Variants in SAMMSON observed in about 807,000 individuals in gnomAD.
SAMMSON encodes the protein survival associated mitochondrial melanoma specific oncogenic non-coding RNA, also known as long intergenic non-protein coding RNA 1212.
intron 3 of SAMMSON, among the ~76,000 whole-genome samples, chr3:70,050,366 G>A (rs80116731): frequency 0.015 from 2,287 of 152,122 alleles, 30 homozygotes; most frequent in Middle Eastern, 0.051. Flanking sequence ...CATTGGGTTG[G>A]CCAGCCACTT....
At chr3:70,232,502 T>A (rs566668930) in intron 4 of SAMMSON, among the ~76,000 whole-genome samples, 2 of 151,708 alleles carry the variant, frequency 1.3e-5, no homozygotes, top group African/African-American at 4.8e-5. Context: ...CGGGTTCAAG[T>A]GATTCTCCTG....
At chr3:70,067,925 T>A (rs2067215990) in intron 3 of SAMMSON, among the ~76,000 whole-genome samples, 1 of 152,078 alleles carries the variant, frequency 6.6e-6, no homozygotes, top group Non-Finnish European at 1.5e-5. Flanking sequence ...ATTCCATTTT[T>A]AAAATAACCA....
rs1346984899 is a variant in SAMMSON, at chr3:70,402,602, C to T, written n.233+44278C>T. On this transcript the variant is annotated intron_variant and non_coding_transcript_variant, in intron 2 of 3. Transcript: ENST00000641053. The stretch of plus-strand genomic sequence containing the variant: ...ATGGGCTAGGTGTAGTGGCTTACGC[C>T]TATAATCCCAACACTTTAGGAGGCT... Among the ~76,000 whole-genome samples the T allele has an allele frequency of 4.6e-5, 7 of 152,068 alleles. No homozygotes were observed. In the East Asian group the frequency reaches 1.3e-3, roughly 29 times the overall value.
chr3:70,213,190 C>CTA (rs1299249212), intron 4 of SAMMSON, among the ~76,000 whole-genome samples: 1 of 152,006 alleles, frequency 6.6e-6, no homozygotes, highest in East Asian at 1.9e-4. Flanking sequence ...CCAGGCTGGA[C>CTA]TAGAGCTCCT....
intron 2 of SAMMSON, among the ~76,000 whole-genome samples, chr3:70,412,944 T>G (rs1018339226): frequency 1.3e-5 from 2 of 152,186 alleles, no homozygotes; most frequent in East Asian, 3.9e-4. Context: ...AAGCAGACTT[T>G]AAGAATGGCG....
intron 7 of SAMMSON, among the ~76,000 whole-genome samples, chr3:70,305,898 G>C (rs2106705367): frequency 6.6e-6 from 1 of 152,224 alleles, no homozygotes; most frequent in African/African-American, 2.4e-5. Context: ...ATATTGAAAA[G>C]GGAATTTTTG....
At chr3:70,103,571 G>A (rs73105942) in intron 4 of SAMMSON, among the ~76,000 whole-genome samples, 13,032 of 152,076 alleles carry the variant, frequency 0.086, 794 homozygotes, top group Non-Finnish European at 0.13. Flanking sequence ...GAATCTCTTC[G>A]GTTACATCCT....
At position 70,101,991 on chromosome 3, in the gene SAMMSON, A is replaced by G. The variant is rs538629818; in HGVS notation, n.507+30426A>G. On this transcript the variant is annotated intron_variant and non_coding_transcript_variant, in intron 4 of 9. Coordinates refer to ENST00000642114, the Ensembl canonical transcript of SAMMSON. Reference sequence around the variant, plus strand: ...GAAACAAATGATCAGTTCCCTAGTTATATCCACTAGTTTCTGTCTTTAATA... The same window carrying G: ...GAAACAAATGATCAGTTCCCTAGTTGTATCCACTAGTTTCTGTCTTTAATA... Among the ~76,000 whole-genome samples, 10 of 152,262 alleles carry G rather than the reference A, an allele frequency of 6.6e-5. No homozygotes were observed. In the South Asian group the frequency reaches 1.5e-3, roughly 22 times the overall value.
chr3:70,407,865 A>G (rs1162797242), intron 2 of SAMMSON, among the ~76,000 whole-genome samples: 1 of 152,254 alleles, frequency 6.6e-6, no homozygotes, highest in Non-Finnish European at 1.5e-5. Flanking sequence ...TCCCTTCTGC[A>G]CTGCCCTAGC....
At chr3:70,144,649 A>G (rs2067540723) in intron 4 of SAMMSON, among the ~76,000 whole-genome samples, 1 of 152,070 alleles carries the variant, frequency 6.6e-6, no homozygotes, top group African/African-American at 2.4e-5. Flanking sequence ...TAATTCCCAT[A>G]TGTTGTGGGA....
rs527376570 is a variant in SAMMSON, at chr3:70,347,984, A to C, written n.740-6191A>C. On this transcript the variant is annotated intron_variant and non_coding_transcript_variant, in intron 7 of 9. Transcript: ENST00000642114. ...CTTGAACCCAGGAGGCGGAGGTTACAGTGAGACCAGATCGCGCCACTACAC... is the reference window on the plus strand; with the variant it reads ...CTTGAACCCAGGAGGCGGAGGTTACCGTGAGACCAGATCGCGCCACTACAC... Among the ~76,000 whole-genome samples, 24 of 152,318 alleles carry C rather than the reference A, an allele frequency of 1.6e-4. No individual in the cohort carries two copies. The East Asian group carries it at 4.4e-3, about 28-fold the overall frequency.
At position 70,226,706 on chromosome 3, in the gene SAMMSON, C is replaced by G. The variant is rs547235311; in HGVS notation, n.508-22401C>G. On this transcript the variant is annotated intron_variant and non_coding_transcript_variant, in intron 4 of 9. Transcript: ENST00000642114. ...TGAGCCGATATCGTGCCACTCCACT[C>G]CAGCCTGGGCAACAGAGAGAGACTC... Among the ~76,000 whole-genome samples the G allele has an allele frequency of 4.0e-4, 60 of 148,756 alleles. 1 individual carries two copies. The highest frequency in any genetic ancestry group is 1.4e-3 in the African/African-American group (56 of 40,036).
chr3:70,255,502 G>A (rs915783727), intron 6 of SAMMSON, among the ~76,000 whole-genome samples: 1 of 152,134 alleles, frequency 6.6e-6, no homozygotes, highest in African/African-American at 2.4e-5. Context: ...GTTAACTGCA[G>A]CCTTGACCAC....
At chr3:70,364,520 A>T (rs1458539740) in intron 9 of SAMMSON, among the ~76,000 whole-genome samples, 1 of 151,778 alleles carries the variant, frequency 6.6e-6, no homozygotes, top group Non-Finnish European at 1.5e-5. Context: ...TTCTCTTACT[A>T]CCCCAAAGAT....
chr3:70,010,543 G>A (rs2066949554), intron 1 of SAMMSON, among the ~76,000 whole-genome samples: 1 of 152,064 alleles, frequency 6.6e-6, no homozygotes, highest in South Asian at 2.1e-4. Flanking sequence ...TTTCACTGAT[G>A]TCATTCTTGT....
At chr3:70,090,074 A>G (rs1202642598) in intron 4 of SAMMSON, among the ~76,000 whole-genome samples, 1 of 152,130 alleles carries the variant, frequency 6.6e-6, no homozygotes, top group Non-Finnish European at 1.5e-5. Context: ...TTCGTTAAAT[A>G]TGAACACCTC....
At chr3:70,168,985 C>T (rs1434823036) in intron 4 of SAMMSON, among the ~76,000 whole-genome samples, 2 of 151,906 alleles carry the variant, frequency 1.3e-5, no homozygotes, top group African/African-American at 4.8e-5. Context: ...GCTAAAGCTG[C>T]TCTCCTAATA....
chr3:70,147,935 A>C (rs1270764764), intron 4 of SAMMSON, among the ~76,000 whole-genome samples: 1 of 152,126 alleles, frequency 6.6e-6, no homozygotes, highest in East Asian at 1.9e-4. Flanking sequence ...ATTTATAAAA[A>C]ACCCTCAAAA....
At chr3:70,125,313 G>T in intron 4 of SAMMSON, 1 of 1,336,940 alleles carries the variant, frequency 7.5e-7, no homozygotes, top group Non-Finnish European at 1.1e-6. Flanking sequence ...ATATATTTAA[G>T]GTCCTTTTCT....
Sources: allele counts gnomAD v4.1 joint callset (sites outside exome capture counted in the v4.1 genomes callset), GRCh38; gene constraint gnomAD v4.1.1; transcripts MANE v1.5; gene names NCBI Gene and HGNC (gene_info 2026-07-23, HGNC 2026-07-21).